CCNA2: variants seen among roughly 807,000 people sequenced by gnomAD.
CCNA2 encodes the protein cyclin-A2.
CCNA2 carries 3 observed loss-of-function variants against 49.4 expected under a neutral mutation model. That is an observed-to-expected ratio of 0.06 (90% CI 0.03 to 0.16). The LOEUF (loss-of-function observed/expected upper bound fraction) is 0.16, where lower values mean the gene tolerates loss of function less well. CCNA2 is among the 10% of genes least tolerant of loss of function. The pLI is 1.00. For missense variants in CCNA2, 372 were observed against 519.7 expected, an observed-to-expected ratio of 0.72 and a Z score of 2.76; for synonymous variants, 206 against 197.2, an observed-to-expected ratio of 1.04 and a Z score of -0.37.
rs1384146372 is a variant in CCNA2 at position 121,823,284 on chromosome 4, C to A, written c.213+132G>T. 4.5e-6 allele frequency: 5 copies of A among 1,121,258 alleles called. No individual in the cohort carries two copies. In the Admixed American group the frequency reaches 1.4e-4, roughly 32 times the overall value. The allele number at this position is 1,121,258 out of a possible 1,614,324, so 69.5% of individuals were successfully genotyped here. ...TACTGTGGCAAACCACACACCAGCA[C>A]CAACTGCACTCCAGACCCTGGCCCC... On this transcript the variant is annotated intron_variant, in intron 1 of 7. Transcript: ENST00000274026.
chr4:121,818,238 A>C, intron 6 of CCNA2, 61 bp from the exon 7 acceptor site: 1 of 1,450,812 alleles, frequency 6.9e-7, no homozygotes, highest in Non-Finnish European at 9.4e-7. Context: ...CAAACACAGT[A>C]AATAGTTGGC....
chr4:121,822,545 T>C lies in CCNA2; in HGVS notation c.315A>G (p.Glu105=), dbSNP rs1288100124. The C allele has an allele frequency of 1.2e-6, 2 of 1,614,038 alleles. No individual in the cohort carries two copies. The highest frequency in any genetic ancestry group is 2.2e-5 in the East Asian group (1 of 44,884). Reference sequence around the variant, plus strand: ...GCTTCTTCTGAGCTTCTTTTTCTGCTTCATCCACATGAATGGTGAACGCAG... The same window carrying C: ...GCTTCTTCTGAGCTTCTTTTTCTGCCTCATCCACATGAATGGTGAACGCAG... ...KQPAFTIHVD[E]AEKEAQKKPA... The change falls in exon 2 of 8, where the codon GAA becomes GAG. Residue 105 remains glutamate, a synonymous_variant. Coordinates refer to ENST00000274026, the MANE Select transcript of CCNA2 (RefSeq NM_001237.5).
rs1423911272 is a variant in CCNA2 at position 121,817,506 on chromosome 4, G to GAT, written c.*130_*131dup. 3.0e-6 allele frequency: 3 copies of GAT among 1,004,914 alleles called. No individual in the cohort carries two copies. Among genetic ancestry groups the GAT allele is most frequent in the Non-Finnish European group, 4.4e-6 (3 of 688,154 alleles). The allele number at this position is 1,004,914 out of a possible 1,614,324, so 62.2% of individuals were successfully genotyped here. On this transcript the variant is annotated 3_prime_UTR_variant, in exon 8 of 8. Transcript: ENST00000274026. The stretch of plus-strand genomic sequence containing the variant: ...AATTAAAACCATTTAAAAAGTAATA[G>GAT]ATACCATAATTTGTACTTGGCCACA...
At chr4:121,819,651 C>T in intron 4 of CCNA2, 72 bp from the exon 5 acceptor site, 1 of 995,070 alleles carries the variant, frequency 1.0e-6, no homozygotes, top group Admixed American at 2.0e-5. Flanking sequence ...TTCTGAAATC[C>T]CATTAGCAGA....
chr4:121,819,398 T>C lies in CCNA2; in HGVS notation c.976A>G (p.Asn326Asp), dbSNP rs767158418. The change falls in exon 5 of 8, where the codon AAC becomes GAC. Residue 326 changes from asparagine to aspartate, a missense_variant. Asn to Asp is a conservative substitution (Grantham distance 23). Coordinates refer to ENST00000274026, the MANE Select transcript of CCNA2 (RefSeq NM_001237.5). Reference sequence around the variant, plus strand: ...ATTGCTAAACTTTCAACTTTGCAGTTTGCAGGCTGCTGATGCAGAAAGTAT... The same window carrying C: ...ATTGCTAAACTTTCAACTTTGCAGTCTGCAGGCTGCTGATGCAGAAAGTAT... Reference protein sequence around the residue: ...TQYFLHQQPANCKVESLAMFL... With the variant: ...TQYFLHQQPADCKVESLAMFL... 4.3e-6 allele frequency: 7 copies of C among 1,614,042 alleles called. No individual in the cohort carries two copies. The highest frequency in any genetic ancestry group is 4.5e-5 in the East Asian group (2 of 44,852).
In CCNA2 at chr4:121,818,121, G is replaced by A; in HGVS notation, c.1173C>T (p.Leu391=). The stretch of plus-strand genomic sequence containing the variant: ...TGAGGTAGGTCTGGTGAAGGTCCAT[G>A]AGACAAGGCTTAAGACTTTCCAGGG... ...GYTLESLKPC[L]MDLHQTYLKA... The change falls in exon 7 of 8, where the codon CTC becomes CTT. Residue 391 remains leucine (L), a synonymous_variant. Transcript: ENST00000274026. 1 of 1,613,562 alleles carries A rather than the reference G, an allele frequency of 6.2e-7. No homozygotes were observed. Among genetic ancestry groups the A allele is most frequent in the South Asian group, 1.1e-5 (1 of 91,072 alleles).
chr4:121,822,369 C>T (rs1197003321), intron 2 of CCNA2, 34 bp downstream of exon 2: 1 of 1,592,616 alleles, frequency 6.3e-7, no homozygotes, highest in Non-Finnish European at 8.6e-7. Context: ...ATTATAATTA[C>T]CGTAATTCCA....
chr4:121,818,678 A>G, intron 6 of CCNA2, 122 bp downstream of exon 6: 2 of 656,304 alleles, frequency 3.0e-6, no homozygotes, highest in Non-Finnish European at 5.5e-6. Flanking sequence ...TCAACTATAT[A>G]TATTTGAAGT....
intron 2 of CCNA2, among the ~76,000 whole-genome samples, chr4:121,821,789 T>C (rs1028514932): frequency 6.6e-6 from 1 of 152,086 alleles, no homozygotes; most frequent in African/African-American, 2.4e-5. Flanking sequence ...CAACTAAAAC[T>C]AAAATGAGAT....
chr4:121,822,349 T>A lies in CCNA2; in HGVS notation c.457+54A>T, dbSNP rs1285305042. 3 of 1,528,452 alleles carry A rather than the reference T, an allele frequency of 2.0e-6. No homozygotes were observed. The African/African-American group carries it at 4.2e-5, about 21-fold the overall frequency. The allele number at this position is 1,528,452 out of a possible 1,614,324, so 94.7% of individuals were successfully genotyped here. A position where few individuals can be genotyped will look rare whatever the true frequency, so the allele number is the denominator to read the frequency against. ...CATCTTAAAATGCAAATCATTAATA[T>A]CATCTAATAATTATAATTACCGTAA... On this transcript the variant is annotated intron_variant, in intron 2 of 7. Coordinates refer to ENST00000274026, the MANE Select transcript of CCNA2 (RefSeq NM_001237.5).
chr4:121,820,231 G>A lies in CCNA2; in HGVS notation c.794+311C>T, dbSNP rs1338356534. Among the ~76,000 whole-genome samples the A allele has an allele frequency of 2.0e-5, 3 of 152,116 alleles. No homozygotes were observed. Among genetic ancestry groups the A allele is most frequent in the South Asian group, 2.1e-4 (1 of 4,830 alleles). On this transcript the variant is annotated intron_variant, in intron 4 of 7. Transcript: ENST00000274026. This position sits in a 1 kb window ranked among gnomAD's most constrained non-coding sequence, Gnocchi z 4.1. ...GCTGGGATTACAGGCGCGAGCCACC[G>A]CACCCAGCCTTTACTTCTTAATAAA... is the stretch of plus-strand genomic sequence containing the variant.
chr4:121,817,456 C>CAGAT lies in CCNA2; in HGVS notation c.*178_*181dup, dbSNP rs1578511145. On this transcript the variant is annotated 3_prime_UTR_variant, in exon 8 of 8. Coordinates refer to ENST00000274026, the MANE Select transcript of CCNA2 (RefSeq NM_001237.5). ...CTTAAAATTAGCCAAATATCTAAGA[C>CAGAT]AGATACATATACAAAAGATATACAA... The CAGAT allele has an allele frequency of 1.1e-5, 7 of 614,100 alleles. No individual in the cohort carries two copies. The highest frequency in any genetic ancestry group is 5.5e-5 in the South Asian group (2 of 36,156). The allele number at this position is 614,100 out of a possible 1,614,324, so 38.0% of individuals were successfully genotyped here.
chr4:121,816,933 T>TA lies in CCNA2; in HGVS notation c.*704dup. On this transcript the variant is annotated 3_prime_UTR_variant, in exon 8 of 8. Transcript: ENST00000274026. ...CATTCTGAGAACCCTGGGTATTTTT[T>TA]ATTCACAAATCCATTATAAAATCTA... The TA allele has an allele frequency of 7.7e-7, 1 of 1,297,030 alleles. No homozygotes were observed. The highest frequency in any genetic ancestry group is 1.0e-6 in the Non-Finnish European group (1 of 975,394). 80.3% of individuals were successfully genotyped at this position (1,297,030 alleles called of 1,614,324 possible).
At position 121,819,416 on chromosome 4, in the gene CCNA2, G is replaced by T; in HGVS notation, c.958C>A (p.Leu320Met). ...TVNQFLTQYF[L>M]HQQPANCKVE... ...TTGCAGTTTGCAGGCTGCTGATGCA[G>T]AAAGTATTGGGTAAGAAACTGATTT... The change falls in exon 5 of 8, where the codon CTG becomes ATG. Residue 320 changes from leucine to methionine, a missense_variant. Leu to Met is a conservative substitution (Grantham distance 15). Transcript: ENST00000274026. The T allele has an allele frequency of 6.2e-7, 1 of 1,614,112 alleles. No homozygotes were observed. Among genetic ancestry groups the T allele is most frequent in the Non-Finnish European group, 8.5e-7 (1 of 1,179,990 alleles).
In CCNA2 at chr4:121,816,989, A is replaced by AATG. The variant is rs1724545660; in HGVS notation, c.*646_*648dup. ...ATTTTAAAAATAGTTTTTTGTTTTTAATGTGCTTTAAAATAATAAACCTTC... is the reference window on the plus strand; with the variant it reads ...ATTTTAAAAATAGTTTTTTGTTTTTAATGATGTGCTTTAAAATAATAAACCTTC... On this transcript the variant is annotated 3_prime_UTR_variant, in exon 8 of 8. Coordinates refer to ENST00000274026, the MANE Select transcript of CCNA2 (RefSeq NM_001237.5). 1.1e-6 allele frequency: 1 copy of AATG among 916,678 alleles called. No individual in the cohort carries two copies. The highest frequency in any genetic ancestry group is 1.6e-6 in the Non-Finnish European group (1 of 644,182). The allele number at this position is 916,678 out of a possible 1,614,324, so 56.8% of individuals were successfully genotyped here.
Position 121,823,608 on chromosome 4 carries a change from C to T in CCNA2, c.21G>A (p.Pro7=). The stretch of plus-strand genomic sequence containing the variant: ...AGCCCGCCTCGCGGGTCGCAGGCCC[C>T]GGCGCAGAGTTGCCCAACATCACTG... The part of the protein sequence containing the change: MLGNSA[P]GPATREAGSA... Residue 7 remains proline (P), a synonymous_variant, in exon 1 of 8, where the codon CCG becomes CCA. Transcript: ENST00000274026. 1.3e-5 allele frequency: 20 copies of T among 1,597,264 alleles called. No individual in the cohort carries two copies. Among genetic ancestry groups the T allele is most frequent in the Non-Finnish European group, 1.7e-5 (20 of 1,175,322 alleles).
At chr4:121,822,755 T>G (rs1724721495) in intron 1 of CCNA2, 109 bp from the exon 2 acceptor site, 1 of 1,144,360 alleles carries the variant, frequency 8.7e-7, no homozygotes, top group Non-Finnish European at 1.2e-6. Context: ...AATTAAACTT[T>G]CTGGGACAAA....
intron 6 of CCNA2, 102 bp downstream of exon 6, chr4:121,818,694 CAAGT>C: frequency 2.8e-6 from 2 of 724,496 alleles, no homozygotes; most frequent in Non-Finnish European, 4.8e-6. Flanking sequence ...GAAGTTTTTC[CAAGT>C]AAGAACATCT....
In CCNA2 at chr4:121,816,978, T is replaced by A. The variant is rs1433417085; in HGVS notation, c.*660A>T. 3.8e-6 allele frequency: 4 copies of A among 1,064,840 alleles called. No individual in the cohort carries two copies. Among genetic ancestry groups the A allele is most frequent in the Non-Finnish European group, 3.9e-6 (3 of 778,212 alleles). The allele number at this position is 1,064,840 out of a possible 1,614,324, so 66.0% of individuals were successfully genotyped here. A position where few individuals can be genotyped will look rare whatever the true frequency, so the allele number is the denominator to read the frequency against. On this transcript the variant is annotated 3_prime_UTR_variant, in exon 8 of 8. Transcript: ENST00000274026. ...AATCTAGCAGGATTTTAAAAATAGT[T>A]TTTTGTTTTTAATGTGCTTTAAAAT...
Sources: gnomAD v4.1 joint callset for allele counts (sites outside exome capture counted in the v4.1 genomes callset) on GRCh38, gnomAD v4.1.1 for gene constraint, Gnocchi (gnomAD v3.1) non-coding constraint, MANE v1.5 for transcripts, NCBI Gene and HGNC (gene_info 2026-07-23, HGNC 2026-07-21) for gene names.